OR52N2: variants seen among roughly 807,000 people sequenced by gnomAD.
The protein encoded by OR52N2 is olfactory receptor family 52 subfamily N member 2.
For missense variants in OR52N2, 326 were observed against 196.6 expected (o/e 1.66, Z -3.94); for synonymous variants, 129 against 72.0 (o/e 1.79, Z -4.01).
Position 5,821,245 on chromosome 11 carries a change from G to A in OR52N2, c.910G>A (p.Glu304Lys), listed in dbSNP as rs201738302. 4 of 780,826 alleles carry A rather than the reference G, an allele frequency of 5.1e-6. No homozygotes were observed. The East Asian group carries it at 7.3e-5, about 14-fold the overall frequency. The allele number at this position is 780,826 out of a possible 1,614,324, so 48.4% of individuals were successfully genotyped here. The stretch of plus-strand genomic sequence containing the variant: ...TGGAGTCAAGACCAAGCAGATTCAG[G>A]AAGGTGTAATTAAATTTTTACTTGG... ...VYGVKTKQIQ[E>K]GVIKFLLGDK... The change falls in exon 2 of 2, where the codon GAA becomes AAA. Residue 304 changes from glutamate (E) to lysine (K), a missense_variant. Glu to Lys is a moderately conservative substitution (Grantham distance 56, BLOSUM62 1). Coordinates refer to ENST00000317037, the MANE Select transcript of OR52N2 (RefSeq NM_001005174.3).
Position 5,820,837 on chromosome 11 carries a change from C to T in OR52N2, c.502C>T (p.Leu168=), listed in dbSNP as rs200024944. Residue 168 remains leucine, a synonymous_variant, in exon 2 of 2, where the codon CTG becomes TTG. Coordinates refer to ENST00000317037, the MANE Select transcript of OR52N2 (RefSeq NM_001005174.3). ...IIPFTLLTKR[L]PYCRGNFIPH... ...CCCATTCACTCTCCTCACCAAGCGC[C>T]TGCCCTATTGCCGGGGGAACTTCAT... 9 of 780,544 alleles carry T rather than the reference C, an allele frequency of 1.2e-5. No homozygotes were observed. The highest frequency in any genetic ancestry group is 1.9e-5 in the Non-Finnish European group (8 of 418,016). 48.4% of individuals were successfully genotyped at this position (780,544 alleles called of 1,614,324 possible). A position where few individuals can be genotyped will look rare whatever the true frequency, so the allele number is the denominator to read the frequency against.
intron 1 of OR52N2, among the ~76,000 whole-genome samples, chr11:5,816,545 C>CTTTTTTTTTTTTTTTTTTTTTTT (rs1464421774): frequency 1.5e-4 from 23 of 150,692 alleles, no homozygotes; most frequent in Non-Finnish European, 2.4e-4. Context: ...TGATCTAAAT[C>CTTTTTTTTTTTTTTTTTTTTTTT]TTCTTTTTTT....
chr11:5,819,402 C>A (rs1846428441), intron 1 of OR52N2, among the ~76,000 whole-genome samples: 1 of 152,090 alleles, frequency 6.6e-6, no homozygotes, highest in Non-Finnish European at 1.5e-5. Flanking sequence ...GCAGTACAAA[C>A]AGTCAATAAT....
intron 1 of OR52N2, among the ~76,000 whole-genome samples, chr11:5,814,517 G>A (rs974452499): frequency 1.3e-5 from 2 of 151,676 alleles, no homozygotes; most frequent in African/African-American, 4.8e-5. Context: ...TGTTATTAAT[G>A]CAAAAGCAAG....
In OR52N2 at chr11:5,821,209, C is replaced by T. The variant is rs752346246; in HGVS notation, c.874C>T (p.Pro292Ser). The T allele has an allele frequency of 2.4e-5, 19 of 780,764 alleles. No homozygotes were observed. The highest frequency in any genetic ancestry group is 1.2e-4 in the Admixed American group (7 of 58,990). 48.4% of individuals were successfully genotyped at this position (780,764 alleles called of 1,614,324 possible). A position where few individuals can be genotyped will look rare whatever the true frequency, so the allele number is the denominator to read the frequency against. Residue 292 changes from proline (P) to serine (S), a missense_variant, in exon 2 of 2, where the codon CCA (proline) becomes TCA (serine). By Grantham distance (74) the Pro-to-Ser change is moderately conservative (BLOSUM62 -1). Coordinates refer to ENST00000317037, the MANE Select transcript of OR52N2 (RefSeq NM_001005174.3). Reference protein sequence around the residue: ...LYLLLPPTMNPIVYGVKTKQI... With the variant: ...LYLLLPPTMNSIVYGVKTKQI... ...TCTGCTACTGCCTCCTACCATGAAC[C>T]CAATTGTTTATGGAGTCAAGACCAA... is the stretch of plus-strand genomic sequence containing the variant.
At chr11:5,815,199 C>T (rs1389580265) in intron 1 of OR52N2, among the ~76,000 whole-genome samples, 2 of 151,814 alleles carry the variant, frequency 1.3e-5, no homozygotes, top group Non-Finnish European at 2.9e-5. Context: ...GGCACAGGCA[C>T]AGGAAACAAA....
chr11:5,818,319 G>T (rs1846419868), intron 1 of OR52N2, among the ~76,000 whole-genome samples: 1 of 152,054 alleles, frequency 6.6e-6, no homozygotes, highest in South Asian at 2.1e-4. Context: ...CTACTCAAAA[G>T]CTGCTAAATA....
intron 1 of OR52N2, among the ~76,000 whole-genome samples, chr11:5,815,211 G>GA (rs1846394970): frequency 1.3e-5 from 2 of 151,636 alleles, no homozygotes; most frequent in African/African-American, 4.8e-5. Context: ...GGAAACAAAA[G>GA]AAAAAAACAG....
intron 1 of OR52N2, among the ~76,000 whole-genome samples, chr11:5,819,670 C>T (rs995116985): frequency 1.3e-5 from 2 of 152,088 alleles, no homozygotes; most frequent in Admixed American, 6.5e-5. Flanking sequence ...ATCAGACATA[C>T]CAAATTCTTA....
In OR52N2 at chr11:5,820,846, T is replaced by C. The variant is rs768684479; in HGVS notation, c.511T>C (p.Cys171Arg). 6.4e-6 allele frequency: 5 copies of C among 780,882 alleles called. No individual in the cohort carries two copies. The highest frequency in any genetic ancestry group is 1.2e-5 in the Non-Finnish European group (5 of 418,100). The allele number at this position is 780,882 out of a possible 1,614,324, so 48.4% of individuals were successfully genotyped here. A position where few individuals can be genotyped will look rare whatever the true frequency, so the allele number is the denominator to read the frequency against. ...FTLLTKRLPY[C>R]RGNFIPHTYC... Reference sequence around the variant, plus strand: ...TCTCCTCACCAAGCGCCTGCCCTATTGCCGGGGGAACTTCATCCCCCACAC... The same window carrying C: ...TCTCCTCACCAAGCGCCTGCCCTATCGCCGGGGGAACTTCATCCCCCACAC... Residue 171 changes from cysteine to arginine, a missense_variant, in exon 2 of 2, where the codon TGC becomes CGC. Cys to Arg is a radical substitution (Grantham distance 180). Transcript: ENST00000317037.
chr11:5,820,761 C>T lies in OR52N2; in HGVS notation c.426C>T (p.Val142=), dbSNP rs1372748785. 3.9e-6 allele frequency: 3 copies of T among 773,448 alleles called. No individual in the cohort carries two copies. The Admixed American group carries it at 5.1e-5, about 13-fold the overall frequency. 47.9% of individuals were successfully genotyped at this position (773,448 alleles called of 1,614,324 possible). The change falls in exon 2 of 2, where the codon GTC becomes GTT. Residue 142 remains valine (V), a synonymous_variant. Transcript: ENST00000317037. Reference sequence around the variant, plus strand: ...ATGCCACCATCCTTACCAACCCTGTCATCGCCAAGGCTGGTCTTGCCACCT... The same window carrying T: ...ATGCCACCATCCTTACCAACCCTGTTATCGCCAAGGCTGGTCTTGCCACCT... ...LRYATILTNP[V]IAKAGLATFL... is the part of the protein sequence containing the mutation.
At chr11:5,811,932 T>C (rs1201041053) in intron 1 of OR52N2, among the ~76,000 whole-genome samples, 1 of 152,182 alleles carries the variant, frequency 6.6e-6, no homozygotes. Context: ...ATATGTATAT[T>C]GGCTAAAATA....
chr11:5,816,906 A>G (rs1032993363), intron 1 of OR52N2, among the ~76,000 whole-genome samples: 12 of 152,040 alleles, frequency 7.9e-5, no homozygotes, highest in Non-Finnish European at 1.8e-4. Flanking sequence ...TGAAACTCAT[A>G]TATGTATTTT....
At chr11:5,811,443 G>T (rs1398934860) in intron 1 of OR52N2, among the ~76,000 whole-genome samples, 5 of 152,108 alleles carry the variant, frequency 3.3e-5, no homozygotes, top group Non-Finnish European at 5.9e-5. Context: ...ATATCAGGGA[G>T]AGTTGAGTAG....
At chr11:5,814,874 C>T (rs1411738176) in intron 1 of OR52N2, among the ~76,000 whole-genome samples, 1 of 152,166 alleles carries the variant, frequency 6.6e-6, no homozygotes, top group Non-Finnish European at 1.5e-5. Context: ...AAAGTCAGAA[C>T]TGCAGACCAA....
intron 1 of OR52N2, among the ~76,000 whole-genome samples, chr11:5,815,206 CAAA>C (rs928200750): frequency 4.6e-5 from 7 of 151,414 alleles, no homozygotes; most frequent in African/African-American, 1.7e-4. Flanking sequence ...GCACAGGAAA[CAAA>C]AGAAAAAAAC....
Position 5,820,854 on chromosome 11 carries a change from G to T in OR52N2, c.519G>T (p.Gly173=). ...CCAAGCGCCTGCCCTATTGCCGGGG[G>T]AACTTCATCCCCCACACCTACTGTG... ...LLTKRLPYCR[G]NFIPHTYCDH... is the part of the protein sequence containing the mutation. Residue 173 remains glycine (G), a synonymous_variant, in exon 2 of 2, where the codon GGG becomes GGT. Transcript: ENST00000317037. 1.3e-6 allele frequency: 1 copy of T among 780,880 alleles called. No individual in the cohort carries two copies. The allele number at this position is 780,880 out of a possible 1,614,324, so 48.4% of individuals were successfully genotyped here.
At chr11:5,813,572 A>T (rs191458538) in intron 1 of OR52N2, among the ~76,000 whole-genome samples, 1 of 152,308 alleles carries the variant, frequency 6.6e-6, no homozygotes. Flanking sequence ...CAGGACATGG[A>T]GGCTTCACTG....
intron 1 of OR52N2, among the ~76,000 whole-genome samples, chr11:5,815,522 A>G (rs991441298): frequency 6.6e-6 from 1 of 152,122 alleles, no homozygotes; most frequent in Non-Finnish European, 1.5e-5. Flanking sequence ...AAACTACAAT[A>G]AAAAACCACC....
Sources: gnomAD v4.1 joint callset for allele counts (sites outside exome capture counted in the v4.1 genomes callset) on GRCh38, gnomAD v4.1.1 for gene constraint, MANE v1.5 for transcripts, NCBI Gene and HGNC (gene_info 2026-07-23, HGNC 2026-07-21) for gene names.